The following CLYBL variants were observed in gnomAD, a reference collection of about 807,000 sequenced individuals.
The protein encoded by CLYBL is citramalyl-CoA lyase, mitochondrial.
In CLYBL, 31 loss-of-function variants were observed where a neutral mutation model predicts 38.9. The observed-to-expected ratio is 0.80, with a 90% confidence interval of 0.60 to 1.08. The LOEUF is 1.08. CLYBL is among the 50% of genes least tolerant of loss of function. The probability of loss-of-function intolerance (pLI) is 0.00; values close to 1 mark genes in which losing one functional copy is unlikely to be tolerated. For missense variants in CLYBL, 434 were observed against 411.6 expected (o/e 1.05, Z -0.47); for synonymous variants, 171 against 158.6 (o/e 1.08, Z -0.59).
chr13:99,850,395 GCA>G (rs1393393586), intron 2 of CLYBL, among the ~76,000 whole-genome samples: 3 of 152,178 alleles, frequency 2.0e-5, no homozygotes, highest in Non-Finnish European at 2.9e-5. Flanking sequence ...TGGCCAATAA[GCA>G]CACACAGAGA....
chr13:99,851,423 T>A (rs1173314823), intron 2 of CLYBL, among the ~76,000 whole-genome samples: 1 of 151,182 alleles, frequency 6.6e-6, no homozygotes, highest in Non-Finnish European at 1.5e-5. Flanking sequence ...TTGACAATGT[T>A]GCATAAGTAA....
intron 1 of CLYBL, among the ~76,000 whole-genome samples, chr13:99,727,867 C>G (rs981767511): frequency 2.0e-5 from 3 of 152,104 alleles, no homozygotes; most frequent in Admixed American, 2.0e-4. Flanking sequence ...CACTTGAGGC[C>G]AGGAGTTTCA....
At chr13:99,843,064 A>AAG (rs1457459427) in intron 2 of CLYBL, among the ~76,000 whole-genome samples, 1 of 152,210 alleles carries the variant, frequency 6.6e-6, no homozygotes. Flanking sequence ...CAGTGAGGTT[A>AAG]AGAGACTGTC....
intron 1 of CLYBL, among the ~76,000 whole-genome samples, chr13:99,762,586 TTGAAGTCAGGTAGTG>T (rs1383660233): frequency 6.6e-6 from 1 of 152,228 alleles, no homozygotes; most frequent in Non-Finnish European, 1.5e-5. Context: ...GTAGTAAATT[TTGAAGTCAGGTAGTG>T]TGATGCTTCC....
At chr13:99,704,884 A>G (rs1035825569) in intron 1 of CLYBL, among the ~76,000 whole-genome samples, 1 of 152,180 alleles carries the variant, frequency 6.6e-6, no homozygotes, top group African/African-American at 2.4e-5. Context: ...AGCATCCTAC[A>G]TGAGCCAAAC....
At position 99,680,635 on chromosome 13, in the gene CLYBL, A is replaced by G. The variant is rs553141393; in HGVS notation, c.62+73878A>G. On this transcript the variant is annotated intron_variant, in intron 1 of 8. Transcript: ENST00000339105. ...ACCTAAGTGAGACCTTGAGTTATCC[A>G]ATGTGCTTCCATCACAGAATGGCCC... is the stretch of plus-strand genomic sequence containing the variant. Among the ~76,000 whole-genome samples the G allele has an allele frequency of 3.3e-5, 5 of 152,336 alleles. No individual in the cohort carries two copies. In the South Asian group the frequency reaches 1.0e-3, roughly 32 times the overall value.
At chr13:99,755,876 G>A (rs777336362) in intron 1 of CLYBL, among the ~76,000 whole-genome samples, 1 of 152,124 alleles carries the variant, frequency 6.6e-6, no homozygotes, top group Non-Finnish European at 1.5e-5. Context: ...TCTCCCCACC[G>A]AACCGCTGTC....
At chr13:99,786,446 A>G (rs1012656719) in intron 2 of CLYBL, among the ~76,000 whole-genome samples, 13 of 152,020 alleles carry the variant, frequency 8.6e-5, no homozygotes, top group Non-Finnish European at 1.6e-4. Flanking sequence ...TATGAGTGAG[A>G]ACATGCGGTG....
intron 2 of CLYBL, among the ~76,000 whole-genome samples, chr13:99,800,368 C>G (rs769148597): frequency 6.6e-6 from 1 of 152,028 alleles, no homozygotes; most frequent in Non-Finnish European, 1.5e-5. Flanking sequence ...GAGATTGGCG[C>G]TGCTGCTGCA....
At chr13:99,730,633 G>A (rs773239974) in intron 1 of CLYBL, among the ~76,000 whole-genome samples, 9 of 152,110 alleles carry the variant, frequency 5.9e-5, no homozygotes, top group East Asian at 5.8e-4. Context: ...CAGCAGAGCC[G>A]CCCAAGATGA....
At chr13:99,649,076 AGCCAATGT>A (rs1422752585) in intron 1 of CLYBL, among the ~76,000 whole-genome samples, 1 of 152,066 alleles carries the variant, frequency 6.6e-6, no homozygotes, top group Non-Finnish European at 1.5e-5. Flanking sequence ...TTTCTCGGAC[AGCCAATGT>A]GTTTGGCTTT....
At chr13:99,888,748 C>CA (rs1454617519) in intron 7 of CLYBL, among the ~76,000 whole-genome samples, 1 of 151,992 alleles carries the variant, frequency 6.6e-6, no homozygotes, top group Non-Finnish European at 1.5e-5. Context: ...GACTCAGTCT[C>CA]AAAAAATATA....
intron 2 of CLYBL, among the ~76,000 whole-genome samples, chr13:99,840,017 T>C (rs985764176): frequency 1.5e-5 from 2 of 134,926 alleles, no homozygotes; most frequent in Non-Finnish European, 3.1e-5. Flanking sequence ...CCTTCTATTC[T>C]CTATCTTACA....
intron 2 of CLYBL, among the ~76,000 whole-genome samples, chr13:99,773,241 G>C (rs983242748): frequency 3.3e-5 from 5 of 152,202 alleles, no homozygotes; most frequent in Non-Finnish European, 1.5e-5. Context: ...CAGTAGATGA[G>C]ACTATGTGTA....
intron 2 of CLYBL, among the ~76,000 whole-genome samples, chr13:99,793,033 A>AAAACACACACACACAC (rs368975807): frequency 0.018 from 2,673 of 145,974 alleles, 76 homozygotes; most frequent in African/African-American, 0.064. Context: ...GTGCATACAT[A>AAAACACACACACACAC]ACACACACAC....
Position 99,793,310 on chromosome 13 carries a change from A to G in CLYBL, c.249+20300A>G, listed in dbSNP as rs1432895908. Among the ~76,000 whole-genome samples the G allele has an allele frequency of 2.0e-5, 3 of 152,196 alleles. No homozygotes were observed. In the East Asian group the frequency reaches 5.8e-4, roughly 29 times the overall value. On this transcript the variant is annotated intron_variant, in intron 2 of 8. Transcript: ENST00000339105. ...AATAGGGGTGTGAAATTAGGATGGG[A>G]AGGCTCCTCTCCCAGGTGCCTTGCT...
In CLYBL at chr13:99,874,040, G is replaced by A. The variant is rs2051975972; in HGVS notation, c.927+2978G>A. 4.6e-5 allele frequency among the ~76,000 whole-genome samples: 7 copies of A among 152,176 alleles called. No homozygotes were observed. In the South Asian group the frequency reaches 1.4e-3, roughly 32 times the overall value. Reference sequence around the variant, plus strand: ...TGTGGCTGCTTTGTTTCAGGAAACTGAAAGATATTTTCAGGCTAAAAAATT... The same window carrying A: ...TGTGGCTGCTTTGTTTCAGGAAACTAAAAGATATTTTCAGGCTAAAAAATT... On this transcript the variant is annotated intron_variant, in intron 7 of 8. Transcript: ENST00000339105.
At chr13:99,735,599 A>G (rs1345352653) in intron 1 of CLYBL, among the ~76,000 whole-genome samples, 1 of 152,042 alleles carries the variant, frequency 6.6e-6, no homozygotes, top group African/African-American at 2.4e-5. Context: ...TATTAATTGT[A>G]CAGTTGTGAA....
At chr13:99,608,847 CTTTTTTTTTT>C (rs57961216) in intron 1 of CLYBL, among the ~76,000 whole-genome samples, 914 of 87,778 alleles carry the variant, frequency 0.01, 5 homozygotes, top group African/African-American at 0.047. Flanking sequence ...AGTGATGAGT[CTTTTTTTTTT>C]TTTTTTTTTT....
Sources: gnomAD v4.1 joint callset for allele counts (sites outside exome capture counted in the v4.1 genomes callset) on GRCh38, gnomAD v4.1.1 for gene constraint, MANE v1.5 for transcripts, NCBI Gene and HGNC (gene_info 2026-07-23, HGNC 2026-07-21) for gene names.